Variants in CNTN5 observed in about 807,000 individuals in gnomAD.
The protein encoded by CNTN5 is contactin-5.
CNTN5 carries 77 observed loss-of-function variants against 129.1 expected under a neutral mutation model. The ratio of observed to expected loss-of-function variants is 0.60; its 90% CI spans 0.50 to 0.72. The LOEUF (loss-of-function observed/expected upper bound fraction) is 0.72. CNTN5 is among the 30% of genes least tolerant of loss of function. CNTN5 has a pLI of 0.00. For synonymous variants in CNTN5, 509 were observed against 465.6 expected (o/e 1.09, Z -1.20); for missense variants, 1,478 against 1,328.8 (o/e 1.11, Z -1.75).
At chr11:99,570,212 G>A (rs1949134462) in intron 3 of CNTN5, among the ~76,000 whole-genome samples, 1 of 151,786 alleles carries the variant, frequency 6.6e-6, no homozygotes, top group African/African-American at 2.4e-5. Flanking sequence ...ATTCAGAGAT[G>A]TACTGGCTCA....
intron 2 of CNTN5, among the ~76,000 whole-genome samples, chr11:99,534,223 A>C (rs970918715): frequency 2.0e-5 from 3 of 152,208 alleles, no homozygotes; most frequent in African/African-American, 7.2e-5. Flanking sequence ...TATTAAAAAT[A>C]CAGTATTTTC....
intron 1 of CNTN5, among the ~76,000 whole-genome samples, chr11:99,237,938 C>T (rs1861363143): frequency 1.3e-5 from 2 of 152,050 alleles, no homozygotes; most frequent in South Asian, 4.1e-4. Flanking sequence ...ATTTTGTTTA[C>T]TTTTTGTATT....
intron 20 of CNTN5, among the ~76,000 whole-genome samples, chr11:100,305,690 C>T (rs1240397792): frequency 6.6e-6 from 1 of 151,544 alleles, no homozygotes; most frequent in East Asian, 1.9e-4. Context: ...CAGTTAGCTA[C>T]TTGTGTCTGC....
At position 100,350,712 on chromosome 11, in the gene CNTN5, G is replaced by C. The variant is rs199560134; in HGVS notation, c.3041G>C (p.Arg1014Thr). The C allele has an allele frequency of 8.7e-6, 14 of 1,602,404 alleles. No individual in the cohort carries two copies. The highest frequency in any genetic ancestry group is 1.1e-5 in the Non-Finnish European group (13 of 1,173,702). The change falls in exon 24 of 25, where the codon AGG becomes ACG. Residue 1014 changes from arginine (R) to threonine (T), a missense_variant. Transcript: ENST00000524871. ...TGTTATTACTCTCAGGTTTTTTATA[G>C]GCAAGAGGGTCACAGCAACAGCCAA... ...SEVVGYKVFY[R>T]QEGHSNSQVI...
chr11:99,848,833 TCAAA>T (rs1392552401), intron 6 of CNTN5, among the ~76,000 whole-genome samples: 1 of 152,196 alleles, frequency 6.6e-6, no homozygotes, highest in Non-Finnish European at 1.5e-5. Context: ...ATTACCCAAT[TCAAA>T]GTCTATTTTT....
intron 15 of CNTN5, among the ~76,000 whole-genome samples, chr11:100,213,631 C>G (rs1207952666): frequency 1.3e-5 from 2 of 152,156 alleles, no homozygotes. Flanking sequence ...TGACCTTGAA[C>G]TTTTCATAGT....
At chr11:99,904,340 G>A (rs1949438502) in intron 6 of CNTN5, among the ~76,000 whole-genome samples, 1 of 151,458 alleles carries the variant, frequency 6.6e-6, no homozygotes, top group South Asian at 2.1e-4. Flanking sequence ...CCCTCCCCGT[G>A]TCCGTGTGTT....
At position 99,342,571 on chromosome 11, in the gene CNTN5, CAAAAAAAAAAAAA is replaced by C. The variant is rs58710723; in HGVS notation, c.-71+17106_-71+17118del. ...GCAACATGGCGAAACCCCGTTATCT[CAAAAAAAAAAAAA>C]AAAAAAAAAAAAAAAAAAGCAGGGC... On this transcript the variant is annotated intron_variant, in intron 2 of 24. Coordinates refer to ENST00000524871, the MANE Select transcript of CNTN5 (RefSeq NM_014361.4). 2.0e-3 allele frequency among the ~76,000 whole-genome samples: 48 copies of C among 24,518 alleles called. No homozygotes were observed. In the South Asian group the frequency reaches 0.035, roughly 18 times the overall value. 16.1% of individuals were successfully genotyped at this position (24,518 alleles called of 152,430 possible).
chr11:99,499,588 T>C (rs533145417), intron 2 of CNTN5, among the ~76,000 whole-genome samples: 2 of 152,314 alleles, frequency 1.3e-5, no homozygotes, highest in South Asian at 4.1e-4. Flanking sequence ...TGTATCCTGT[T>C]ATAGCAGAAC....
intron 3 of CNTN5, among the ~76,000 whole-genome samples, chr11:99,719,694 G>C (rs532991363): frequency 6.6e-6 from 1 of 151,804 alleles, no homozygotes. Flanking sequence ...ACAAAAATCC[G>C]AGCTGAACTG....
At chr11:99,109,692 C>T (rs989745084) in intron 1 of CNTN5, among the ~76,000 whole-genome samples, 3 of 152,002 alleles carry the variant, frequency 2.0e-5, no homozygotes, top group East Asian at 1.9e-4. Context: ...ACTTCCAAGC[C>T]GCTGCTGGAT....
In CNTN5 at chr11:99,836,146, CT is replaced by C. The variant is rs1043406039; in HGVS notation, c.278-8697del. ...CTTGTTTTTTTTTTTTTTAATTTTT[CT>C]TTTTTTTTAATTATACTTTAAGTTC... On this transcript the variant is annotated intron_variant, in intron 4 of 24. Coordinates refer to ENST00000524871, the MANE Select transcript of CNTN5 (RefSeq NM_014361.4). Among the ~76,000 whole-genome samples the C allele has an allele frequency of 2.0e-4, 28 of 137,996 alleles. No homozygotes were observed. In the East Asian group the frequency reaches 2.4e-3, roughly 12 times the overall value. The allele number at this position is 137,996 out of a possible 152,430, so 90.5% of individuals were successfully genotyped here. A position where few individuals can be genotyped will look rare whatever the true frequency, so the allele number is the denominator to read the frequency against.
At chr11:99,358,757 A>G (rs1938892478) in intron 2 of CNTN5, among the ~76,000 whole-genome samples, 1 of 152,150 alleles carries the variant, frequency 6.6e-6, no homozygotes, top group South Asian at 2.1e-4. Context: ...ATATGGCTAC[A>G]TAGAACTTCA....
intron 15 of CNTN5, among the ~76,000 whole-genome samples, chr11:100,214,747 G>A (rs1949105258): frequency 6.6e-6 from 1 of 152,170 alleles, no homozygotes; most frequent in African/African-American, 2.4e-5. Context: ...GTTAACAGCA[G>A]TACCCCACTT....
chr11:99,708,446 C>T (rs1249751633), intron 3 of CNTN5, among the ~76,000 whole-genome samples: 2 of 151,664 alleles, frequency 1.3e-5, no homozygotes, highest in East Asian at 1.9e-4. Context: ...CAACATGAAA[C>T]TGGAAGATTC....
chr11:99,194,923 A>G (rs1261582950), intron 1 of CNTN5, among the ~76,000 whole-genome samples: 2 of 152,118 alleles, frequency 1.3e-5, no homozygotes, highest in Non-Finnish European at 1.5e-5. Flanking sequence ...ATTGTTTTAG[A>G]TTAGCTAAAT....
intron 3 of CNTN5, among the ~76,000 whole-genome samples, chr11:99,792,001 G>A (rs1945760989): frequency 6.6e-6 from 1 of 152,034 alleles, no homozygotes. Flanking sequence ...GCTTTTGGTG[G>A]GGTCTTTAGG....
chr11:99,801,569 A>G (rs543035527), intron 3 of CNTN5, among the ~76,000 whole-genome samples: 5 of 152,192 alleles, frequency 3.3e-5, no homozygotes, highest in Non-Finnish European at 7.3e-5. Context: ...AGGAATGCAA[A>G]TAATTCATAA....
intron 13 of CNTN5, among the ~76,000 whole-genome samples, chr11:100,102,012 A>G (rs529594870): frequency 6.6e-6 from 1 of 152,260 alleles, no homozygotes; most frequent in South Asian, 2.1e-4. Context: ...TAGCTTTGCA[A>G]CTGCAAATTG....
Sources: allele counts gnomAD v4.1 joint callset (sites outside exome capture counted in the v4.1 genomes callset), GRCh38; gene constraint gnomAD v4.1.1; transcripts MANE v1.5; gene names NCBI Gene and HGNC (gene_info 2026-07-23, HGNC 2026-07-21).